PRKG1: variants seen among roughly 807,000 people sequenced by gnomAD.
The protein encoded by PRKG1 is protein kinase cGMP-dependent 1.
PRKG1 carries 35 observed loss-of-function variants against 88.1 expected under a neutral mutation model. That is an observed-to-expected ratio of 0.40 (90% confidence interval 0.30 to 0.53). PRKG1 has a LOEUF of 0.53. Among genes scored for constraint, PRKG1 ranks in the 20% least tolerant of loss-of-function variants. PRKG1 has a pLI of 0.59. For missense variants in PRKG1, 540 were observed against 839.8 expected, an observed-to-expected ratio of 0.64 and a Z score of 4.41; for synonymous variants, 303 against 292.5, an observed-to-expected ratio of 1.04 and a Z score of -0.37.
intron 3 of PRKG1, among the ~76,000 whole-genome samples, chr10:51,541,590 CAAAT>C (rs1842303367): frequency 6.6e-6 from 1 of 152,028 alleles, no homozygotes; most frequent in African/African-American, 2.4e-5. Context: ...GGGTAATGGT[CAAAT>C]AAAATCAGTG....
chr10:51,076,182 T>G (rs1843947781), intron 1 of PRKG1, among the ~76,000 whole-genome samples: 3 of 152,222 alleles, frequency 2.0e-5, no homozygotes, highest in Admixed American at 2.0e-4. Context: ...TACATGTTGA[T>G]TCCCATGGAA....
intron 9 of PRKG1, among the ~76,000 whole-genome samples, chr10:52,238,897 A>G (rs1840766654): frequency 6.9e-6 from 1 of 145,936 alleles, no homozygotes; most frequent in Non-Finnish European, 1.5e-5. Flanking sequence ...CACTATTCAC[A>G]ATAGCAAAGA....
intron 2 of PRKG1, among the ~76,000 whole-genome samples, chr10:51,211,262 A>G (rs1589247442): frequency 6.6e-6 from 1 of 152,184 alleles, no homozygotes; most frequent in Non-Finnish European, 1.5e-5. Flanking sequence ...ACAAAATTCA[A>G]CAACGCTTCA....
chr10:51,606,828 G>C (rs1451991689), intron 3 of PRKG1, among the ~76,000 whole-genome samples: 1 of 152,130 alleles, frequency 6.6e-6, no homozygotes, highest in African/African-American at 2.4e-5. Flanking sequence ...ATATTCAGAA[G>C]GGAGCAATCT....
intron 9 of PRKG1, among the ~76,000 whole-genome samples, chr10:52,204,995 C>T (rs1279819502): frequency 6.6e-6 from 1 of 152,084 alleles, no homozygotes; most frequent in Non-Finnish European, 1.5e-5. Context: ...AGAATGCATT[C>T]CCAGGGCAGG....
intron 5 of PRKG1, among the ~76,000 whole-genome samples, chr10:51,956,795 C>T (rs1843314404): frequency 6.6e-6 from 1 of 152,048 alleles, no homozygotes. Flanking sequence ...ATTTCTCTCT[C>T]TATTTTTTCC....
Position 51,727,670 on chromosome 10 carries a change from A to G in PRKG1, c.593-76915A>G, listed in dbSNP as rs370006859. On this transcript the variant is annotated intron_variant, in intron 3 of 17. Coordinates refer to ENST00000373980, the MANE Select transcript of PRKG1 (RefSeq NM_006258.4). ...GTCTGTACCCTATATCTTAACTCAT[A>G]TCTCCGGAGAGTAGTTCAATAGGCT... 1.1e-4 allele frequency among the ~76,000 whole-genome samples: 17 copies of G among 152,258 alleles called. 1 individual carries two copies. In the East Asian group the frequency reaches 2.1e-3, roughly 19 times the overall value.
intron 3 of PRKG1, among the ~76,000 whole-genome samples, chr10:51,665,636 T>C (rs1361125367): frequency 6.6e-6 from 1 of 152,168 alleles, no homozygotes; most frequent in Non-Finnish European, 1.5e-5. Flanking sequence ...AACAACTGAA[T>C]TTTGTGGTTT....
intron 1 of PRKG1, among the ~76,000 whole-genome samples, chr10:51,036,229 T>C (rs752921823): frequency 2.6e-5 from 4 of 152,098 alleles, no homozygotes; most frequent in Non-Finnish European, 5.9e-5. Context: ...ACATCCTCCA[T>C]GAAAAAAGAG....
At chr10:51,520,702 C>A (rs1176624849) in intron 3 of PRKG1, among the ~76,000 whole-genome samples, 1 of 152,134 alleles carries the variant, frequency 6.6e-6, no homozygotes, top group Non-Finnish European at 1.5e-5. Context: ...ATAGATAATA[C>A]TCTACAATCC....
chr10:52,081,057 C>G lies in PRKG1; in HGVS notation c.935+18426C>G, dbSNP rs369838252. Reference sequence around the variant, plus strand: ...TCCTTCACCCCAATAGGTGTTGCTGCTGAGCACCCTCTTCAACACACCACT... The same window carrying G: ...TCCTTCACCCCAATAGGTGTTGCTGGTGAGCACCCTCTTCAACACACCACT... On this transcript the variant is annotated intron_variant, in intron 7 of 17. Coordinates refer to ENST00000373980, the MANE Select transcript of PRKG1 (RefSeq NM_006258.4). Among the ~76,000 whole-genome samples, 17 of 152,334 alleles carry G rather than the reference C, an allele frequency of 1.1e-4. No homozygotes were observed. In the East Asian group the frequency reaches 1.5e-3, roughly 14 times the overall value.
At chr10:51,725,442 T>G (rs1298077820) in intron 3 of PRKG1, among the ~76,000 whole-genome samples, 4 of 151,866 alleles carry the variant, frequency 2.6e-5, no homozygotes, top group Non-Finnish European at 5.9e-5. Context: ...CAACTTTTTT[T>G]TTTTTTCCTT....
chr10:51,339,741 A>G (rs747760842), intron 2 of PRKG1, among the ~76,000 whole-genome samples: 15 of 152,050 alleles, frequency 9.9e-5, no homozygotes, highest in Admixed American at 9.2e-4. Flanking sequence ...ATTCTACAGT[A>G]TCATTCCAAA....
At chr10:51,260,443 AT>A (rs372008501) in intron 2 of PRKG1, among the ~76,000 whole-genome samples, 2 of 152,052 alleles carry the variant, frequency 1.3e-5, no homozygotes, top group African/African-American at 4.8e-5. Flanking sequence ...TTAAAAAAAA[AT>A]TTTTTATTCT....
intron 7 of PRKG1, among the ~76,000 whole-genome samples, chr10:52,069,063 A>T (rs1846429513): frequency 7.0e-6 from 1 of 143,866 alleles, no homozygotes; most frequent in African/African-American, 2.4e-5. Context: ...GGCCCTGTTC[A>T]TGTTAATGCA....
chr10:52,047,815 C>T (rs74135119), intron 5 of PRKG1, among the ~76,000 whole-genome samples: 4,492 of 152,018 alleles, frequency 0.03, 215 homozygotes, highest in African/African-American at 0.1. Flanking sequence ...AAGGCAGATC[C>T]CAATATTTTA....
At chr10:51,459,259 G>T (rs977517547) in intron 2 of PRKG1, among the ~76,000 whole-genome samples, 1 of 152,070 alleles carries the variant, frequency 6.6e-6, no homozygotes, top group Admixed American at 6.6e-5. Context: ...CTAAGAATTT[G>T]GAGAGAGGGG....
chr10:51,777,581 G>A (rs767671152), intron 3 of PRKG1, among the ~76,000 whole-genome samples: 5 of 152,020 alleles, frequency 3.3e-5, no homozygotes, highest in East Asian at 1.9e-4. Context: ...CCCCACTGTC[G>A]TACATTTGTT....
chr10:50,992,103 C>T (rs369609435), intron 1 of PRKG1, among the ~76,000 whole-genome samples: 4 of 152,094 alleles, frequency 2.6e-5, no homozygotes, highest in African/African-American at 7.2e-5. Flanking sequence ...GCTGTCCGAG[C>T]CTCCTAGGGA....
Sources: allele counts gnomAD v4.1 joint callset (sites outside exome capture counted in the v4.1 genomes callset), GRCh38; gene constraint gnomAD v4.1.1; transcripts MANE v1.5; gene names NCBI Gene and HGNC (gene_info 2026-07-23, HGNC 2026-07-21).